The following DOCK10 variants were observed in gnomAD, a reference collection of about 807,000 sequenced individuals.
DOCK10 encodes dedicator of cytokinesis protein 10.
DOCK10 carries 145 observed loss-of-function variants against 280.1 expected under a neutral mutation model. That is an observed-to-expected ratio of 0.52 (90% confidence interval 0.45 to 0.59). The LOEUF is 0.59. DOCK10 is among the 20% of genes least tolerant of loss of function. DOCK10 has a pLI of 0.00. For synonymous variants in DOCK10, 915 were observed against 942.2 expected (o/e 0.97, Z 0.53); for missense variants, 2,368 against 2,651.7 (o/e 0.89, Z 2.35).
At chr2:224,814,063 T>A (rs977977623) in intron 31 of DOCK10, among the ~76,000 whole-genome samples, 6 of 152,182 alleles carry the variant, frequency 3.9e-5, no homozygotes, top group African/African-American at 1.4e-4. Context: ...ATGATACAAA[T>A]TAAGGAAATT....
intron 2 of DOCK10, among the ~76,000 whole-genome samples, chr2:224,921,427 A>C (rs1303384444): frequency 6.6e-6 from 1 of 151,732 alleles, no homozygotes; most frequent in Non-Finnish European, 1.5e-5. Context: ...CAGTAATCAC[A>C]TGGCTACTAG....
intron 29 of DOCK10, among the ~76,000 whole-genome samples, chr2:224,817,826 T>C (rs576923497): frequency 1.3e-5 from 2 of 152,332 alleles, no homozygotes; most frequent in Admixed American, 1.3e-4. Flanking sequence ...CCAAAAATAA[T>C]GTTTAAGCAA....
At chr2:224,997,839 A>G (rs1706317707) in intron 1 of DOCK10, among the ~76,000 whole-genome samples, 1 of 152,216 alleles carries the variant, frequency 6.6e-6, no homozygotes, top group Non-Finnish European at 1.5e-5. Flanking sequence ...TCAAAGCCAC[A>G]GAGAAGATTT....
intron 7 of DOCK10, among the ~76,000 whole-genome samples, chr2:224,884,876 T>C (rs1172936198): frequency 6.6e-6 from 1 of 152,236 alleles, no homozygotes; most frequent in Non-Finnish European, 1.5e-5. Flanking sequence ...CTGAATTTCA[T>C]TATCTCAGGG....
At chr2:224,879,196 T>C (rs887428842) in intron 7 of DOCK10, among the ~76,000 whole-genome samples, 2 of 152,130 alleles carry the variant, frequency 1.3e-5, no homozygotes, top group Non-Finnish European at 2.9e-5. Context: ...CAAACTTCAG[T>C]GTGCAAAGCA....
intron 1 of DOCK10, among the ~76,000 whole-genome samples, chr2:224,976,304 T>A (rs1705436456): frequency 6.6e-6 from 1 of 152,092 alleles, no homozygotes; most frequent in African/African-American, 2.4e-5. Context: ...AAAACCTAGA[T>A]GATGGGTTGA....
chr2:224,870,754 C>A (rs1384830756), intron 11 of DOCK10, among the ~76,000 whole-genome samples: 1 of 151,576 alleles, frequency 6.6e-6, no homozygotes, highest in Non-Finnish European at 1.5e-5. Flanking sequence ...CCCTCTCCCC[C>A]CAACCAACAT....
intron 3 of DOCK10, among the ~76,000 whole-genome samples, chr2:224,908,168 GTGTGTGTGTGTGTGTA>G (rs1360227861): frequency 5.6e-5 from 6 of 106,468 alleles, no homozygotes; most frequent in Non-Finnish European, 8.1e-5. Context: ...TAAATGAGTT[GTGTGTGTGTGTGTGTA>G]TGTGTGTGTG....
At chr2:224,802,264 C>G (rs1257122284) in intron 39 of DOCK10, among the ~76,000 whole-genome samples, 1 of 152,060 alleles carries the variant, frequency 6.6e-6, no homozygotes, top group African/African-American at 2.4e-5. Flanking sequence ...CAAGGGTAAT[C>G]TGTAGAATAA....
chr2:224,988,052 C>T (rs970600643), intron 1 of DOCK10, among the ~76,000 whole-genome samples: 1 of 152,104 alleles, frequency 6.6e-6, no homozygotes, highest in Non-Finnish European at 1.5e-5. Flanking sequence ...TAGAGCCTGG[C>T]CCATAATTAT....
chr2:224,850,775 C>G (rs1452690130), intron 18 of DOCK10, among the ~76,000 whole-genome samples: 1 of 152,156 alleles, frequency 6.6e-6, no homozygotes. Context: ...GGCAGTTTTT[C>G]CTGCACTCAC....
rs911779677 is a variant in DOCK10, at chr2:224,874,281, TAG to T, written c.1084_1085del (p.Leu362ArgfsTer18). On this transcript the variant is annotated frameshift_variant, in exon 10 of 56. Coordinates refer to ENST00000258390, the MANE Select transcript of DOCK10 (RefSeq NM_014689.3). LOFTEE classifies it high-confidence loss of function. The part of the protein sequence containing the change: ...RNMERLNLFS[L>X]DPDIDTLKLQ... ...TTTGACTTACATCTATGTCTGGATCTAGAGAGAACAGATTTAGCCTCTCCATG... is the reference window on the plus strand; with the variant it reads ...TTTGACTTACATCTATGTCTGGATCTAGAGAACAGATTTAGCCTCTCCATG... 1 of 1,613,466 alleles carries T rather than the reference TAG, an allele frequency of 6.2e-7. No individual in the cohort carries two copies. The highest frequency in any genetic ancestry group is 1.3e-5 in the African/African-American group (1 of 75,070).
intron 26 of DOCK10, among the ~76,000 whole-genome samples, chr2:224,832,492 A>T (rs1695302959): frequency 6.6e-6 from 1 of 152,216 alleles, no homozygotes; most frequent in African/African-American, 2.4e-5. Context: ...CTAATTCCAG[A>T]AGACTGACTC....
chr2:224,835,412 C>T (rs776347338), intron 25 of DOCK10, among the ~76,000 whole-genome samples: 3 of 152,330 alleles, frequency 2.0e-5, no homozygotes, highest in Middle Eastern at 6.8e-3. Flanking sequence ...GCTTTAGACA[C>T]GCATCTTTGA....
intron 50 of DOCK10, among the ~76,000 whole-genome samples, chr2:224,781,546 A>G (rs1691337734): frequency 6.6e-6 from 1 of 152,208 alleles, no homozygotes; most frequent in Non-Finnish European, 1.5e-5. Context: ...TCTGTCTATG[A>G]TATAAATGAT....
intron 4 of DOCK10, among the ~76,000 whole-genome samples, chr2:224,887,644 G>A (rs758440289): frequency 6.6e-6 from 1 of 152,002 alleles, no homozygotes; most frequent in Admixed American, 6.6e-5. Flanking sequence ...AAATTTCATG[G>A]GATGTTTTTC....
chr2:224,834,092 G>C, intron 26 of DOCK10, 58 bp downstream of exon 26: 1 of 979,812 alleles, frequency 1.0e-6, no homozygotes. Context: ...CATTTTCCAG[G>C]AGTAAGCGTG....
chr2:224,875,987 A>C (rs2125694637), intron 8 of DOCK10, 51 bp downstream of exon 8: 4 of 1,564,466 alleles, frequency 2.6e-6, no homozygotes, highest in South Asian at 2.4e-5. Flanking sequence ...GTGAACCAAA[A>C]ACACAGGTCA....
At chr2:224,913,533 T>A (rs994292217) in intron 3 of DOCK10, among the ~76,000 whole-genome samples, 3 of 152,176 alleles carry the variant, frequency 2.0e-5, no homozygotes, top group African/African-American at 4.8e-5. Context: ...GCAAAAGACA[T>A]AATGAGTTAC....
Sources: gnomAD v4.1 joint callset for allele counts (sites outside exome capture counted in the v4.1 genomes callset) on GRCh38, gnomAD v4.1.1 for gene constraint, MANE v1.5 for transcripts, NCBI Gene and HGNC (gene_info 2026-07-23, HGNC 2026-07-21) for gene names.